The following DPY19L1 variants were observed in gnomAD, a reference collection of about 807,000 sequenced individuals.
DPY19L1 encodes dpy-19 like C-mannosyltransferase 1.
Under a neutral mutation model 96.9 loss-of-function variants are expected in DPY19L1, and 35 were observed. The ratio of observed to expected loss-of-function variants is 0.36; its 90% confidence interval spans 0.28 to 0.48. The LOEUF is 0.48. DPY19L1 is among the 20% of genes least tolerant of loss of function. The probability of loss-of-function intolerance (pLI) is 0.99; values close to 1 mark genes in which losing one functional copy is unlikely to be tolerated. For synonymous variants in DPY19L1, 205 were observed against 252.6 expected (o/e 0.81, Z 1.79); for missense variants, 521 against 777.9 (o/e 0.67, Z 3.93).
chr7:35,037,855 A>T (rs1462667924), upstream of DPY19L1: 1 of 1,234,352 alleles, frequency 8.1e-7, no homozygotes, highest in Non-Finnish European at 1.0e-6. Context: ...CGGTGCGAGG[A>T]CGCGGGGGCG....
At chr7:34,950,011 C>T (rs1343725105) in intron 13 of DPY19L1, 113 bp from the exon 14 acceptor site, 1 of 529,630 alleles carries the variant, frequency 1.9e-6, no homozygotes, top group African/African-American at 2.0e-5. Context: ...ACTGTTCCCA[C>T]ACCAAGCCTG....
intron 6 of DPY19L1, among the ~76,000 whole-genome samples, chr7:34,995,019 T>C (rs1186325089): frequency 6.6e-6 from 1 of 152,144 alleles, no homozygotes; most frequent in Non-Finnish European, 1.5e-5. Flanking sequence ...CCAGCTTTAC[T>C]TAACTAACAA....
rs1785682473 is a variant in DPY19L1, at chr7:35,010,459, T to C, written c.764+9A>G. 6.8e-7 allele frequency: 1 copy of C among 1,474,550 alleles called. No individual in the cohort carries two copies. The highest frequency in any genetic ancestry group is 9.4e-7 in the Non-Finnish European group (1 of 1,066,416). 91.3% of individuals were successfully genotyped at this position (1,474,550 alleles called of 1,614,324 possible). A position where few individuals can be genotyped will look rare whatever the true frequency, so the allele number is the denominator to read the frequency against. ...TATATCTTATAAACACATACTAAAATATTCTTACCTTAAATATGTGCCATA... is the reference window on the plus strand; with the variant it reads ...TATATCTTATAAACACATACTAAAACATTCTTACCTTAAATATGTGCCATA... On this transcript the variant is annotated intron_variant, in intron 6 of 21. Coordinates refer to ENST00000638088, the MANE Select transcript of DPY19L1 (RefSeq NM_001366673.1).
chr7:35,001,071 C>A (rs1277398735), intron 6 of DPY19L1, among the ~76,000 whole-genome samples: 1 of 152,174 alleles, frequency 6.6e-6, no homozygotes, highest in Non-Finnish European at 1.5e-5. Context: ...TCAGTTTCCT[C>A]ATCTATAAAG....
At chr7:34,949,114 T>TA (rs1348248070) in intron 14 of DPY19L1, among the ~76,000 whole-genome samples, 1 of 152,220 alleles carries the variant, frequency 6.6e-6, no homozygotes, top group Non-Finnish European at 1.5e-5. Flanking sequence ...AAAATGCACA[T>TA]ATATACATGC....
chr7:34,983,601 C>G (rs1784986011), intron 7 of DPY19L1, among the ~76,000 whole-genome samples: 1 of 151,094 alleles, frequency 6.6e-6, no homozygotes, highest in Non-Finnish European at 1.5e-5. Context: ...TAATAGCAGA[C>G]TGCATGCATC....
intron 14 of DPY19L1, 26 bp downstream of exon 14, chr7:34,949,771 A>G (rs767481613): frequency 4.4e-5 from 64 of 1,455,164 alleles, no homozygotes; most frequent in Non-Finnish European, 5.6e-5. Context: ...AAACCTTAGG[A>G]AACAGAACTA....
chr7:34,962,429 G>A (rs1784519028), intron 10 of DPY19L1, among the ~76,000 whole-genome samples: 1 of 152,218 alleles, frequency 6.6e-6, no homozygotes, highest in South Asian at 2.1e-4. Context: ...ATCAGCGGCT[G>A]CCATGGGTTA....
chr7:35,015,161 T>C lies in DPY19L1; in HGVS notation c.412-1456A>G, dbSNP rs537352245. ...TACCTTCCTTCTTTTGTAGGTTTGA[T>C]TTTGGAAACATATGTTTAATTATAA... On this transcript the variant is annotated intron_variant, in intron 3 of 21. Transcript: ENST00000638088. 3.9e-5 allele frequency among the ~76,000 whole-genome samples: 6 copies of C among 152,334 alleles called. No individual in the cohort carries two copies. The East Asian group carries it at 1.2e-3, about 29-fold the overall frequency.
intron 3 of DPY19L1, among the ~76,000 whole-genome samples, chr7:35,016,914 C>T (rs1213690624): frequency 6.6e-6 from 1 of 151,258 alleles, no homozygotes; most frequent in Non-Finnish European, 1.5e-5. Context: ...TAAAGAAATT[C>T]ACATATTAAA....
At chr7:34,997,170 C>A (rs1785305523) in intron 6 of DPY19L1, among the ~76,000 whole-genome samples, 1 of 151,880 alleles carries the variant, frequency 6.6e-6, no homozygotes, top group Non-Finnish European at 1.5e-5. Flanking sequence ...CCAATATTGC[C>A]AACCAACAAC....
At chr7:35,019,616 GGAA>G (rs1255028449) in intron 1 of DPY19L1, among the ~76,000 whole-genome samples, 1 of 151,708 alleles carries the variant, frequency 6.6e-6, no homozygotes, top group Non-Finnish European at 1.5e-5. Flanking sequence ...AGAATAAGGA[GGAA>G]GAGAAGGAAA....
chr7:34,937,598 T>C (rs1314680074), intron 21 of DPY19L1, among the ~76,000 whole-genome samples: 1 of 152,166 alleles, frequency 6.6e-6, no homozygotes, highest in Admixed American at 6.5e-5. Context: ...AAAAAAGATA[T>C]TTATAAAGAC....
rs537497537 is a variant in DPY19L1, at chr7:34,995,817, T to G, written c.765-5876A>C. On this transcript the variant is annotated intron_variant, in intron 6 of 21. Transcript: ENST00000638088. Reference sequence around the variant, plus strand: ...AATTAAGATAATTTCCAATCTTAAATTGGAGACTGAAGGCTTGGGCACCTT... The same window carrying G: ...AATTAAGATAATTTCCAATCTTAAAGTGGAGACTGAAGGCTTGGGCACCTT... Among the ~76,000 whole-genome samples the G allele has an allele frequency of 7.3e-5, 11 of 150,446 alleles. No individual in the cohort carries two copies. In the East Asian group the frequency reaches 1.8e-3, roughly 24 times the overall value.
At chr7:34,937,648 T>G (rs1224729261) in intron 21 of DPY19L1, among the ~76,000 whole-genome samples, 1 of 152,136 alleles carries the variant, frequency 6.6e-6, no homozygotes, top group African/African-American at 2.4e-5. Flanking sequence ...AAAAAGTTTT[T>G]TCAGGCCAGG....
chr7:34,958,688 A>G (rs2128787042), intron 10 of DPY19L1, among the ~76,000 whole-genome samples: 1 of 152,338 alleles, frequency 6.6e-6, no homozygotes, highest in East Asian at 1.9e-4. Context: ...CTACAAAAAG[A>G]TTGTGGCAAT....
Position 35,010,627 on chromosome 7 carries a change from T to C in DPY19L1, c.671-66A>G, listed in dbSNP as rs1190389044. On this transcript the variant is annotated intron_variant, in intron 5 of 21. Coordinates refer to ENST00000638088, the MANE Select transcript of DPY19L1 (RefSeq NM_001366673.1). Reference sequence around the variant, plus strand: ...CCAAATTACCTTACGTGTCTAGCAATTTATATTAAATTGTGTTCATTTTGA... The same window carrying C: ...CCAAATTACCTTACGTGTCTAGCAACTTATATTAAATTGTGTTCATTTTGA... 2.9e-5 allele frequency: 29 copies of C among 1,009,482 alleles called. No homozygotes were observed. In the South Asian group the frequency reaches 4.1e-4, roughly 14 times the overall value. 62.5% of individuals were successfully genotyped at this position (1,009,482 alleles called of 1,614,324 possible).
intron 20 of DPY19L1, among the ~76,000 whole-genome samples, chr7:34,938,632 T>C (rs772766246): frequency 1.3e-5 from 2 of 152,232 alleles, no homozygotes; most frequent in Non-Finnish European, 2.9e-5. Context: ...AAAAAGCTTA[T>C]TTGTGAATGT....
chr7:35,006,571 G>C (rs1381851940), intron 6 of DPY19L1, among the ~76,000 whole-genome samples: 1 of 151,714 alleles, frequency 6.6e-6, no homozygotes, highest in African/African-American at 2.4e-5. Context: ...GAAATATCAG[G>C]GTATCTTATG....
Sources: allele counts gnomAD v4.1 joint callset (sites outside exome capture counted in the v4.1 genomes callset), GRCh38; gene constraint gnomAD v4.1.1; transcripts MANE v1.5; gene names NCBI Gene and HGNC (gene_info 2026-07-23, HGNC 2026-07-21).